NSUN3: variants seen among roughly 807,000 people sequenced by gnomAD.
NSUN3 encodes NOP2/Sun RNA methyltransferase 3.
In NSUN3, 24 loss-of-function variants were observed where a neutral mutation model predicts 36.8. The ratio of observed to expected loss-of-function variants is 0.65; its 90% CI spans 0.47 to 0.92. NSUN3 has a LOEUF of 0.92. NSUN3 is among the 40% of genes least tolerant of loss of function. The probability of loss-of-function intolerance (pLI) is 0.00; values close to 1 mark genes in which losing one functional copy is unlikely to be tolerated. For synonymous variants in NSUN3, 146 were observed against 145.2 expected, an observed-to-expected ratio of 1.01 and a Z score of -0.04; for missense variants, 381 against 392.8, an observed-to-expected ratio of 0.97 and a Z score of 0.25.
intron 3 of NSUN3, among the ~76,000 whole-genome samples, chr3:94,087,615 C>CT (rs1416980329): frequency 2.0e-5 from 3 of 152,188 alleles, no homozygotes; most frequent in African/African-American, 7.2e-5. Flanking sequence ...TCTTAGTCAA[C>CT]TTTCTGGCTG....
At chr3:94,067,714 T>C (rs2077210764) in intron 2 of NSUN3, among the ~76,000 whole-genome samples, 1 of 152,206 alleles carries the variant, frequency 6.6e-6, no homozygotes, top group Non-Finnish European at 1.5e-5. Flanking sequence ...TACAACCCTC[T>C]GAAATAGTTA....
intron 5 of NSUN3, among the ~76,000 whole-genome samples, chr3:94,101,228 A>G (rs1433432927): frequency 1.3e-5 from 2 of 152,026 alleles, no homozygotes; most frequent in East Asian, 1.9e-4. Flanking sequence ...CCTGGCTCCA[A>G]GTGATCCTGA....
chr3:94,068,892 A>G (rs547356223), intron 2 of NSUN3, among the ~76,000 whole-genome samples: 6 of 152,292 alleles, frequency 3.9e-5, no homozygotes, highest in Middle Eastern at 3.4e-3. Context: ...ATGAACCAGT[A>G]TCTAGATTTC....
chr3:94,088,064 A>T (rs1030794578), intron 3 of NSUN3, among the ~76,000 whole-genome samples: 1 of 152,128 alleles, frequency 6.6e-6, no homozygotes, highest in Non-Finnish European at 1.5e-5. Context: ...CTTCATCTCT[A>T]GTCCTTTTTG....
chr3:94,113,058 G>A (rs974200534), intron 5 of NSUN3, among the ~76,000 whole-genome samples: 1 of 152,184 alleles, frequency 6.6e-6, no homozygotes, highest in Non-Finnish European at 1.5e-5. Flanking sequence ...TAGAGACAGG[G>A]TTTCACTGTG....
intron 3 of NSUN3, among the ~76,000 whole-genome samples, chr3:94,092,919 CAAAAAAA>C (rs1161530879): frequency 4.5e-4 from 11 of 24,638 alleles, no homozygotes; most frequent in South Asian, 3.0e-3. Context: ...GACTGCATCT[CAAAAAAA>C]AAAAAAAAAA....
intron 2 of NSUN3, among the ~76,000 whole-genome samples, chr3:94,070,428 G>T (rs2077221058): frequency 6.6e-6 from 1 of 152,046 alleles, no homozygotes; most frequent in Non-Finnish European, 1.5e-5. Flanking sequence ...ACAGCTGTAC[G>T]CCAGCCTGGG....
At chr3:94,094,392 C>G in intron 4 of NSUN3, 98 bp downstream of exon 4, 1 of 1,231,314 alleles carries the variant, frequency 8.1e-7, no homozygotes, top group Non-Finnish European at 1.1e-6. Context: ...CAGACATAGC[C>G]TGATACAGTT....
intron 5 of NSUN3, among the ~76,000 whole-genome samples, chr3:94,103,761 C>G (rs1185072295): frequency 6.6e-6 from 1 of 152,126 alleles, no homozygotes; most frequent in Non-Finnish European, 1.5e-5. Flanking sequence ...CTTACACGAT[C>G]TGATTAATGC....
chr3:94,074,485 A>G (rs555897383), intron 2 of NSUN3, among the ~76,000 whole-genome samples: 115 of 152,228 alleles, frequency 7.6e-4, no homozygotes, highest in African/African-American at 2.7e-3. Flanking sequence ...TTCCTCGAGC[A>G]GTGGTTTGTA....
intron 5 of NSUN3, among the ~76,000 whole-genome samples, chr3:94,121,908 G>A (rs2077463986): frequency 2.0e-5 from 3 of 152,122 alleles, no homozygotes; most frequent in Admixed American, 2.0e-4. Context: ...ACTTTGGGAG[G>A]CCAAGGCGGG....
chr3:94,131,423 C>T lies in NSUN3; in HGVS notation c.*4933C>T, dbSNP rs1026038343. On this transcript the variant is annotated 3_prime_UTR_variant, in exon 6 of 6. Coordinates refer to ENST00000314622, the MANE Select transcript of NSUN3 (RefSeq NM_022072.5). ...CCTCAAGATTATTAACTGACTTTAC[C>T]CCTATTTTCCATTGTTCAGTTTCCT... is the stretch of plus-strand genomic sequence containing the variant. Among the ~76,000 whole-genome samples the T allele has an allele frequency of 1.3e-5, 2 of 152,106 alleles. No homozygotes were observed. Among genetic ancestry groups the T allele is most frequent in the African/African-American group, 4.8e-5 (2 of 41,406 alleles).
At chr3:94,123,281 T>C (rs1265404347) in intron 5 of NSUN3, among the ~76,000 whole-genome samples, 1 of 152,228 alleles carries the variant, frequency 6.6e-6, no homozygotes, top group South Asian at 2.1e-4. Flanking sequence ...CTTTTCTGAA[T>C]TACATTTTTC....
chr3:94,124,064 A>G (rs890251480), intron 5 of NSUN3, among the ~76,000 whole-genome samples: 5 of 151,194 alleles, frequency 3.3e-5, no homozygotes, highest in African/African-American at 1.2e-4. Context: ...TATTTATATT[A>G]GTTTGCTAGA....
At chr3:94,085,975 G>A (rs1180317571) in intron 3 of NSUN3, among the ~76,000 whole-genome samples, 3 of 145,444 alleles carry the variant, frequency 2.1e-5, no homozygotes, top group Non-Finnish European at 4.5e-5. Context: ...ATGGAGTCTC[G>A]CTGTGTCTCC....
chr3:94,100,150 G>A (rs2077359110), intron 5 of NSUN3, among the ~76,000 whole-genome samples: 1 of 152,182 alleles, frequency 6.6e-6, no homozygotes, highest in African/African-American at 2.4e-5. Context: ...TCAGAAGTGA[G>A]AAAAGGAGTG....
intron 3 of NSUN3, among the ~76,000 whole-genome samples, chr3:94,091,841 C>T (rs1161809127): frequency 6.6e-6 from 1 of 152,184 alleles, no homozygotes; most frequent in African/African-American, 2.4e-5. Flanking sequence ...CTTGTGGACC[C>T]AGCTTATGCA....
At position 94,111,336 on chromosome 3, in the gene NSUN3, C is replaced by G. The variant is rs527292291; in HGVS notation, c.744-14875C>G. Among the ~76,000 whole-genome samples, 9 of 152,232 alleles carry G rather than the reference C, an allele frequency of 5.9e-5. 1 individual carries two copies. In the South Asian group the frequency reaches 1.9e-3, roughly 32 times the overall value. On this transcript the variant is annotated intron_variant, in intron 5 of 5. Coordinates refer to ENST00000314622, the MANE Select transcript of NSUN3 (RefSeq NM_022072.5). ...TGAAGGCCTAGGATATTCCTGTACA[C>G]TACTGTAGCGTTTATAAACTCTGTA...
In NSUN3 at chr3:94,090,361, G is replaced by A. The variant is rs909281596; in HGVS notation, c.467-3779G>A. 8.3e-4 allele frequency among the ~76,000 whole-genome samples: 126 copies of A among 152,072 alleles called. 1 individual carries two copies. The highest frequency in any genetic ancestry group is 2.8e-3 in the African/African-American group (114 of 41,414). ...TAAGACCATTTCAAATAAAGTCTAC[G>A]TGTAAGCAATAATTCTGCTGGAAGC... On this transcript the variant is annotated intron_variant, in intron 3 of 5. Coordinates refer to ENST00000314622, the MANE Select transcript of NSUN3 (RefSeq NM_022072.5).
Sources: gnomAD v4.1 joint callset for allele counts (sites outside exome capture counted in the v4.1 genomes callset) on GRCh38, gnomAD v4.1.1 for gene constraint, MANE v1.5 for transcripts, NCBI Gene and HGNC (gene_info 2026-07-23, HGNC 2026-07-21) for gene names.